Variants in SMARCA4 observed in about 807,000 individuals in gnomAD.
SMARCA4 encodes SWI/SNF related BAF chromatin remodeling complex subunit ATPase 4, also known as SWI/SNF-related matrix-associated actin-dependent regulator of chromatin subfamily A member 4.
A neutral mutation model predicts 193.9 loss-of-function variants in SMARCA4; 31 were observed. The ratio of observed to expected loss-of-function variants is 0.16; its 90% CI spans 0.12 to 0.22. The LOEUF (loss-of-function observed/expected upper bound fraction) is 0.22, where lower values mean the gene tolerates loss of function less well. Ranked by LOEUF, SMARCA4 falls within the 10% of genes least tolerant of loss-of-function variation. The probability of loss-of-function intolerance (pLI) is 1.00; values close to 1 mark genes in which losing one functional copy is unlikely to be tolerated. For missense variants in SMARCA4, 1,148 were observed against 2,296.0 expected, an observed-to-expected ratio of 0.50 and a Z score of 10.22; for synonymous variants, 942 against 933.1, an observed-to-expected ratio of 1.01 and a Z score of -0.17.
Position 11,051,176 on chromosome 19 carries a change from G to A in SMARCA4, c.4425-7079G>A, listed in dbSNP as rs1489490686. Among the ~76,000 whole-genome samples, 4 of 152,378 alleles carry A rather than the reference G, an allele frequency of 2.6e-5. No individual in the cohort carries two copies. In the East Asian group the frequency reaches 7.7e-4, roughly 29 times the overall value. ...GAAGCTCCCCCTCCTCTGTTTGTGA[G>A]TCGGGCCCTACCCCCAAGTCTCCCC... is the stretch of plus-strand genomic sequence containing the variant. On this transcript the variant is annotated intron_variant, in intron 30 of 34. Transcript: ENST00000344626.
chr19:11,034,235 A>T lies in SMARCA4; in HGVS notation c.3951+35A>T, dbSNP rs2075124314. 1 of 1,523,674 alleles carries T rather than the reference A, an allele frequency of 6.6e-7. No homozygotes were observed. The highest frequency in any genetic ancestry group is 1.4e-5 in the African/African-American group (1 of 73,260). 94.4% of individuals were successfully genotyped at this position (1,523,674 alleles called of 1,614,324 possible). A position where few individuals can be genotyped will look rare whatever the true frequency, so the allele number is the denominator to read the frequency against. On this transcript the variant is annotated intron_variant, in intron 28 of 34. Coordinates refer to ENST00000344626, the MANE Select transcript of SMARCA4 (RefSeq NM_003072.5). This position sits in a 1 kb window ranked among gnomAD's most constrained non-coding sequence, Gnocchi z 7.0. ...GCAGGCTGGATGGGGCAGTTCAGGC[A>T]TCCCACTCTGCTGCCACCAGGAGCA...
At chr19:11,006,308 C>A (rs751727607) in intron 13 of SMARCA4, among the ~76,000 whole-genome samples, 2 of 152,312 alleles carry the variant, frequency 1.3e-5, no homozygotes, top group African/African-American at 2.4e-5. Flanking sequence ...TTAAATGATG[C>A]AACATGAATG....
rs2076928597 is a variant in SMARCA4 at position 11,062,130 on chromosome 19, C to G, written c.*314C>G. The stretch of plus-strand genomic sequence containing the variant: ...ACTGTTGCGCCGCAGTTTGGAGTCA[C>G]TGTAGTTAAGTGTGGATGCATGTGC... On this transcript the variant is annotated 3_prime_UTR_variant, in exon 35 of 35. Coordinates refer to ENST00000344626, the MANE Select transcript of SMARCA4 (RefSeq NM_003072.5). The G allele has an allele frequency of 1.4e-5, 7 of 487,502 alleles. No individual in the cohort carries two copies. The highest frequency in any genetic ancestry group is 2.6e-5 in the Non-Finnish European group (7 of 265,548). 30.2% of individuals were successfully genotyped at this position (487,502 alleles called of 1,614,324 possible). A position where few individuals can be genotyped will look rare whatever the true frequency, so the allele number is the denominator to read the frequency against.
At chr19:11,021,606 C>T (rs1419877603) in intron 18 of SMARCA4, 119 bp from the exon 19 acceptor site, 2 of 1,303,958 alleles carry the variant, frequency 1.5e-6, no homozygotes, top group African/African-American at 2.9e-5. Flanking sequence ...GTGCTCTCCA[C>T]CCAGCTGCGC....
intron 32 of SMARCA4, chr19:11,059,267 C>T (rs1345502310): frequency 9.7e-6 from 3 of 308,750 alleles, no homozygotes; most frequent in Non-Finnish European, 1.9e-5. Context: ...TTCCCTGGGG[C>T]ACATTCTCTT....
chr19:10,965,030 A>G (rs2163800), intron 1 of SMARCA4, among the ~76,000 whole-genome samples: 64,082 of 151,976 alleles, frequency 0.42, 13,699 homozygotes, highest in East Asian at 0.61. Flanking sequence ...TTGTCTTTCC[A>G]TCCCTCGGTC....
chr19:11,002,623 A>G (rs1011900952), intron 11 of SMARCA4, among the ~76,000 whole-genome samples: 1 of 152,132 alleles, frequency 6.6e-6, no homozygotes, highest in African/African-American at 2.4e-5. Context: ...ATTTTCAGCT[A>G]TGAGTGTCTG....
At chr19:10,973,656 G>C (rs1009187316) in intron 1 of SMARCA4, among the ~76,000 whole-genome samples, 1 of 146,684 alleles carries the variant, frequency 6.8e-6, no homozygotes, top group Admixed American at 7.0e-5. Flanking sequence ...TGCAAGCTCC[G>C]CCTCCCGGGT....
At chr19:10,996,680 T>TGG in intron 11 of SMARCA4, 136 bp downstream of exon 11, 2 of 863,442 alleles carry the variant, frequency 2.3e-6, no homozygotes, top group Non-Finnish European at 3.9e-6. Context: ...GGGTGTCCTC[T>TGG]GACGCCCATC....
chr19:11,018,857 G>C, intron 16 of SMARCA4, 100 bp from the exon 17 acceptor site: 1 of 935,842 alleles, frequency 1.1e-6, no homozygotes. Flanking sequence ...GAGGGCTGTG[G>C]CCATGTTGGC....
At chr19:11,009,490 G>A (rs765015934) in intron 14 of SMARCA4, among the ~76,000 whole-genome samples, 2 of 152,114 alleles carry the variant, frequency 1.3e-5, no homozygotes, top group Non-Finnish European at 2.9e-5. Context: ...GCTAGGTGCA[G>A]AGTGTCTTTC....
intron 12 of SMARCA4, 48 bp from the exon 13 acceptor site, chr19:11,003,292 C>G (rs2146105703): frequency 6.2e-7 from 1 of 1,606,512 alleles, no homozygotes; most frequent in South Asian, 1.1e-5. Flanking sequence ...AAAGTGAATT[C>G]TGCTGGCTCT....
rs915067237 is a variant in SMARCA4 at position 10,984,726 on chromosome 19, G to A, written c.222+353G>A. Among the ~76,000 whole-genome samples the A allele has an allele frequency of 9.8e-5, 15 of 152,344 alleles. No individual in the cohort carries two copies. Among genetic ancestry groups the A allele is most frequent in the South Asian group, 2.1e-4 (1 of 4,830 alleles). On this transcript the variant is annotated intron_variant, in intron 2 of 34. Coordinates refer to ENST00000344626, the MANE Select transcript of SMARCA4 (RefSeq NM_003072.5). The surrounding 1 kb of genome is among the most constrained non-coding windows in gnomAD (Gnocchi z 4.3). ...GGCTTTTAGCCACGTGGTTTCCCCC[G>A]TTCTGGCTGTCAGGCTCACCTGTGC...
At chr19:11,042,867 T>C (rs117271995) in intron 30 of SMARCA4, among the ~76,000 whole-genome samples, 7,638 of 152,052 alleles carry the variant, frequency 0.05, 268 homozygotes, top group South Asian at 0.12. Flanking sequence ...GCACGCTTTT[T>C]GGGAGGCTGA....
rs762148337 is a variant in SMARCA4 at position 11,009,007 on chromosome 19, C to CTTTTTTTTTTTTTT, written c.2123+1005_2123+1018dup. On this transcript the variant is annotated intron_variant, in intron 14 of 34. Transcript: ENST00000344626. Reference sequence around the variant, plus strand: ...AAAAAATGTAGGTGGATAAAAGTCACTTTTTTTTTTTTTTTTTTTTTTTTT... The same window carrying CTTTTTTTTTTTTTT: ...AAAAAATGTAGGTGGATAAAAGTCACTTTTTTTTTTTTTTTTTTTTTTTTTTTTTTTTTTTTTTT... Among the ~76,000 whole-genome samples the CTTTTTTTTTTTTTT allele has an allele frequency of 4.6e-4, 19 of 40,954 alleles. 1 individual carries two copies. The highest frequency in any genetic ancestry group is 6.9e-4 in the Non-Finnish European group (17 of 24,630). The allele number at this position is 40,954 out of a possible 152,430, so 26.9% of individuals were successfully genotyped here.
At chr19:11,022,733 C>T (rs894287401) in intron 19 of SMARCA4, among the ~76,000 whole-genome samples, 3 of 152,172 alleles carry the variant, frequency 2.0e-5, no homozygotes, top group Non-Finnish European at 4.4e-5. Context: ...GCGTGAGTTC[C>T]CTGCCCTCTC....
chr19:10,985,900 C>T lies in SMARCA4; in HGVS notation c.356-289C>T, dbSNP rs1007038874. 2.0e-5 allele frequency among the ~76,000 whole-genome samples: 3 copies of T among 152,192 alleles called. No individual in the cohort carries two copies. Among genetic ancestry groups the T allele is most frequent in the Non-Finnish European group, 4.4e-5 (3 of 68,034 alleles). On this transcript the variant is annotated intron_variant, in intron 3 of 34. Coordinates refer to ENST00000344626, the MANE Select transcript of SMARCA4 (RefSeq NM_003072.5). This position sits in a 1 kb window ranked among gnomAD's most constrained non-coding sequence, Gnocchi z 4.5. ...GGCGAGCCCGAGGATGTGGACCCCG[C>T]CTGTGGACAGGCAGGCGGAAGCCGG...
rs373928094 is a variant in SMARCA4, at chr19:11,019,551, G to A, written c.2506-40G>A. ...TGCCCCTCTTGCCACCTGGCCACCC[G>A]GCTCCAAAAGCCGAGCTGTGCATCC... On this transcript the variant is annotated intron_variant, in intron 17 of 34. Coordinates refer to ENST00000344626, the MANE Select transcript of SMARCA4 (RefSeq NM_003072.5). This position sits in a 1 kb window ranked among gnomAD's most constrained non-coding sequence, Gnocchi z 6.1. 3.1e-5 allele frequency: 44 copies of A among 1,429,328 alleles called. No homozygotes were observed. The highest frequency in any genetic ancestry group is 2.5e-4 in the African/African-American group (18 of 71,096). The allele number at this position is 1,429,328 out of a possible 1,614,324, so 88.5% of individuals were successfully genotyped here. A position where few individuals can be genotyped will look rare whatever the true frequency, so the allele number is the denominator to read the frequency against.
In SMARCA4 at chr19:11,013,123, G is replaced by A. The variant is rs750874456; in HGVS notation, c.2438+11G>A. On this transcript the variant is annotated intron_variant, in intron 16 of 34. Coordinates refer to ENST00000344626, the MANE Select transcript of SMARCA4 (RefSeq NM_003072.5). Reference sequence around the variant, plus strand: ...CATCGTGCCTCTCTCGTGAGTACCCGCTGCCAGCAACATCCCACACGCCGC... The same window carrying A: ...CATCGTGCCTCTCTCGTGAGTACCCACTGCCAGCAACATCCCACACGCCGC... 1.5e-5 allele frequency: 24 copies of A among 1,613,546 alleles called. No individual in the cohort carries two copies. The East Asian group carries it at 2.7e-4, about 18-fold the overall frequency.
Sources: gnomAD v4.1 joint callset for allele counts (sites outside exome capture counted in the v4.1 genomes callset) on GRCh38, gnomAD v4.1.1 for gene constraint, Gnocchi (gnomAD v3.1) non-coding constraint, MANE v1.5 for transcripts, NCBI Gene and HGNC (gene_info 2026-07-23, HGNC 2026-07-21) for gene names.